Variants in TSC2 observed in about 807,000 individuals in gnomAD.
The protein encoded by TSC2 is TSC complex subunit 2, also known as tuberin.
TSC2 carries 29 observed loss-of-function variants against 202.2 expected under a neutral mutation model. The observed-to-expected ratio is 0.14, with a 90% CI of 0.11 to 0.20. TSC2 has a LOEUF of 0.20. TSC2 is among the 10% of genes least tolerant of loss of function. The pLI is 1.00. For missense variants in TSC2, 2,429 were observed against 2,420.0 expected, an observed-to-expected ratio of 1.00 and a Z score of -0.08; for synonymous variants, 1,349 against 1,044.0, an observed-to-expected ratio of 1.29 and a Z score of -5.63.
At chr16:2,054,487 G>C (rs2085522145) in intron 5 of TSC2, 47 bp downstream of exon 5, 1 of 1,612,670 alleles carries the variant, frequency 6.2e-7, no homozygotes, top group South Asian at 1.1e-5. Context: ...TGACGATCAA[G>C]TGTAACCTGG....
chr16:2,067,222 G>A (rs1028821472), intron 16 of TSC2, among the ~76,000 whole-genome samples: 1 of 151,916 alleles, frequency 6.6e-6, no homozygotes, highest in Admixed American at 6.6e-5. Context: ...GCAGTGCTGT[G>A]ACCATAGCTC....
rs768684515 is a variant in TSC2, at chr16:2,084,448, G to A, written c.4226G>A (p.Arg1409Gln). 42 of 1,609,226 alleles carry A rather than the reference G, an allele frequency of 2.6e-5. No individual in the cohort carries two copies. The Admixed American group carries it at 3.9e-4, about 15-fold the overall frequency. The change falls in exon 34 of 42, where the codon CGG (arginine) becomes CAG (glutamine). Residue 1409 changes from arginine (R) to glutamine (Q), a missense_variant. Physicochemically the swap from Arg to Gln is conservative, Grantham distance 43. Transcript: ENST00000219476. The part of the protein sequence containing the change: ...GDPGDKADVG[R>Q]LSPEVKARSQ... ...CCTGGGGACAAGGCCGACGTGGGCC[G>A]GCTGAGCCCTGAGGTTAAGGCCCGG...
chr16:2,089,403 G>A lies in TSC2; in HGVS notation c.*793G>A. On this transcript the variant is annotated 3_prime_UTR_variant, in exon 42 of 42. Coordinates refer to ENST00000219476, the MANE Select transcript of TSC2 (RefSeq NM_000548.5). The stretch of plus-strand genomic sequence containing the variant: ...CCCTGAAGCCAGCAGCCTTAGCAGT[G>A]GGGGACATCTGCCCAGGGGGTGGGG... 4.5e-6 allele frequency: 2 copies of A among 447,418 alleles called. No homozygotes were observed. The highest frequency in any genetic ancestry group is 2.8e-5 in the South Asian group (1 of 36,014). 27.7% of individuals were successfully genotyped at this position (447,418 alleles called of 1,614,324 possible).
rs1309598467 is a variant in TSC2 at position 2,065,522 on chromosome 16, A to C, written c.1603A>C (p.Met535Leu). Reference sequence around the variant, plus strand: ...AGTCCTGGCCTTCTCTTCAAAGGTGATGGCCCGCTCCCTCTCCCCACCCCC... The same window carrying C: ...AGTCCTGGCCTTCTCTTCAAAGGTGCTGGCCCGCTCCCTCTCCCCACCCCC... ...NSLLDIIEKV[M>L]ARSLSPPPEL... is the part of the protein sequence containing the mutation. Residue 535 changes from methionine (M) to leucine (L), a missense_variant, in exon 16 of 42, where the codon ATG (methionine) becomes CTG (leucine). Transcript: ENST00000219476. 6.2e-7 allele frequency: 1 copy of C among 1,609,794 alleles called. No homozygotes were observed. The highest frequency in any genetic ancestry group is 1.7e-5 in the Admixed American group (1 of 59,858).
chr16:2,062,911 G>A (rs2151168862), intron 13 of TSC2, 61 bp from the exon 14 acceptor site: 1 of 1,529,008 alleles, frequency 6.5e-7, no homozygotes, highest in Non-Finnish European at 8.8e-7. Context: ...CAGGCAGACG[G>A]GCTGGTGTGG....
At chr16:2,054,147 T>C (rs2085479342) in intron 4 of TSC2, 149 bp from the exon 5 acceptor site, 1 of 1,266,836 alleles carries the variant, frequency 7.9e-7, no homozygotes, top group Admixed American at 1.8e-5. Flanking sequence ...ACAATGCTGA[T>C]GCTGCAGACC....
intron 5 of TSC2, 169 bp from the exon 6 acceptor site, chr16:2,055,233 C>T (rs2085624856): frequency 2.9e-6 from 2 of 700,360 alleles, no homozygotes; most frequent in Non-Finnish European, 5.2e-6. Flanking sequence ...CCCTGGGCTC[C>T]CCTGAGCCTC....
intron 35 of TSC2, 46 bp downstream of exon 35, chr16:2,085,072 CG>C: frequency 6.2e-7 from 1 of 1,610,566 alleles, no homozygotes; most frequent in Non-Finnish European, 8.5e-7. Flanking sequence ...CTGTGTGGCT[CG>C]GGTGAATGGT....
chr16:2,071,256 G>A (rs375685020), intron 17 of TSC2: 18 of 570,124 alleles, frequency 3.2e-5, no homozygotes, highest in South Asian at 7.9e-5. Context: ...CATCCCAGGC[G>A]GGCCCAGCTG....
In TSC2 at chr16:2,088,788, T is replaced by C. The variant is rs1012826356; in HGVS notation, c.*178T>C. On this transcript the variant is annotated 3_prime_UTR_variant, in exon 42 of 42. Coordinates refer to ENST00000219476, the MANE Select transcript of TSC2 (RefSeq NM_000548.5). Reference sequence around the variant, plus strand: ...GGTGTCGAGGCTCTAGAAGCGGCCATGCCCACAGAAGTGGTACACAGAAGC... The same window carrying C: ...GGTGTCGAGGCTCTAGAAGCGGCCACGCCCACAGAAGTGGTACACAGAAGC... 6 of 849,710 alleles carry C rather than the reference T, an allele frequency of 7.1e-6. No individual in the cohort carries two copies. Among genetic ancestry groups the C allele is most frequent in the Non-Finnish European group, 1.1e-5 (6 of 561,810 alleles). 52.6% of individuals were successfully genotyped at this position (849,710 alleles called of 1,614,324 possible).
Position 2,079,946 on chromosome 16 carries a change from A to C in TSC2, c.3398-219A>C, listed in dbSNP as rs956423343. On this transcript the variant is annotated intron_variant, in intron 29 of 41. Coordinates refer to ENST00000219476, the MANE Select transcript of TSC2 (RefSeq NM_000548.5). This position sits in a 1 kb window ranked among gnomAD's most constrained non-coding sequence, Gnocchi z 4.6. ...CCTGGAGCCCTTCTCTGCTCCAGCG[A>C]GCCGTGGTCTGACTGCAGGACAGGT... 6.6e-6 allele frequency among the ~76,000 whole-genome samples: 1 copy of C among 152,110 alleles called. No individual in the cohort carries two copies. Among genetic ancestry groups the C allele is most frequent in the African/African-American group, 2.4e-5 (1 of 41,418 alleles).
rs2151459095 is a variant in TSC2 at position 2,080,268 on chromosome 16, G to C, written c.3501G>C (p.Glu1167Asp). Reference sequence around the variant, plus strand: ...GGACTGCACCAGCCGCGAAACCTGAGAAGGCCTCAGCTGGCACCCGGGTTC... The same window carrying C: ...GGACTGCACCAGCCGCGAAACCTGACAAGGCCTCAGCTGGCACCCGGGTTC... ...GPRTAPAAKPEKASAGTRVPV... is the reference protein window; with the variant it reads ...GPRTAPAAKPDKASAGTRVPV... The change falls in exon 30 of 42, where the codon GAG (glutamate) becomes GAC (aspartate). Residue 1167 changes from glutamate to aspartate, a missense_variant. Glu to Asp is a conservative substitution (Grantham distance 45, BLOSUM62 2). Coordinates refer to ENST00000219476, the MANE Select transcript of TSC2 (RefSeq NM_000548.5). 1 of 1,613,020 alleles carries C rather than the reference G, an allele frequency of 6.2e-7. No individual in the cohort carries two copies. Among genetic ancestry groups the C allele is most frequent in the Non-Finnish European group, 8.5e-7 (1 of 1,180,032 alleles).
intron 1 of TSC2, chr16:2,048,348 C>CG: frequency 1.1e-6 from 1 of 886,654 alleles, no homozygotes; most frequent in Non-Finnish European, 1.8e-6. Flanking sequence ...CTGAGTCGGG[C>CG]GGGGCGGGCG....
In TSC2 at chr16:2,064,277, G is replaced by C. The variant is rs768511587; in HGVS notation, c.1449G>C (p.Glu483Asp). Residue 483 changes from glutamate (E) to aspartate (D), a missense_variant, in exon 15 of 42, where the codon GAG becomes GAC. Glu to Asp is a conservative substitution (Grantham distance 45). Coordinates refer to ENST00000219476, the MANE Select transcript of TSC2 (RefSeq NM_000548.5). ...LLINRQFYEE[E>D]LINSVVISQL... ...CCTCCCTTGTGCCTGTGCAGGAGGA[G>C]CTGATTAACTCAGTGGTCATCTCGC... The C allele has an allele frequency of 6.2e-7, 1 of 1,613,850 alleles. No homozygotes were observed. The highest frequency in any genetic ancestry group is 8.5e-7 in the Non-Finnish European group (1 of 1,180,042).
chr16:2,080,255 C>T lies in TSC2; in HGVS notation c.3488C>T (p.Ala1163Val), dbSNP rs1596390123. The T allele has an allele frequency of 6.2e-7, 1 of 1,612,994 alleles. No homozygotes were observed. Among genetic ancestry groups the T allele is most frequent in the Non-Finnish European group, 8.5e-7 (1 of 1,180,028 alleles). Residue 1163 changes from alanine (A) to valine (V), a missense_variant, in exon 30 of 42, where the codon GCC becomes GTC. Ala to Val is a moderately conservative substitution (Grantham distance 64). Coordinates refer to ENST00000219476, the MANE Select transcript of TSC2 (RefSeq NM_000548.5). ...TCTCCAGGACCACGGACTGCACCAG[C>T]CGCGAAACCTGAGAAGGCCTCAGCT... is the stretch of plus-strand genomic sequence containing the variant. ...ATSPGPRTAP[A>V]AKPEKASAGT... is the part of the protein sequence containing the mutation.
intron 21 of TSC2, among the ~76,000 whole-genome samples, 157 bp downstream of exon 21, chr16:2,073,140 T>C (rs2088738131): frequency 6.6e-6 from 1 of 152,054 alleles, no homozygotes; most frequent in Non-Finnish European, 1.5e-5. Flanking sequence ...ATGCCCAGAG[T>C]GGGGACATCC....
Position 2,048,013 on chromosome 16 carries a change from G to C in TSC2, c.-82G>C, listed in dbSNP as rs1391750751. ...TCCGGCGGCGTCCCGGGGCCAGGGG[G>C]GTGCGCCTTTCTCCGCGTCGGGGCG... On this transcript the variant is annotated 5_prime_UTR_variant, in exon 1 of 42. Coordinates refer to ENST00000219476, the MANE Select transcript of TSC2 (RefSeq NM_000548.5). 8 of 1,468,290 alleles carry C rather than the reference G, an allele frequency of 5.4e-6. No individual in the cohort carries two copies. In the South Asian group the frequency reaches 9.4e-5, roughly 17 times the overall value. 91.0% of individuals were successfully genotyped at this position (1,468,290 alleles called of 1,614,324 possible).
Position 2,071,825 on chromosome 16 carries a change from T to G in TSC2, c.1988T>G (p.Leu663Arg), listed in dbSNP as rs1555506026. 6.3e-7 allele frequency: 1 copy of G among 1,599,362 alleles called. No homozygotes were observed. The highest frequency in any genetic ancestry group is 8.5e-7 in the Non-Finnish European group (1 of 1,173,698). The change falls in exon 19 of 42, where the codon CTT (leucine) becomes CGT (arginine). Residue 663 changes from leucine (L) to arginine (R), a missense_variant. Physicochemically the swap from Leu to Arg is moderately radical, Grantham distance 102 (BLOSUM62 -2). Transcript: ENST00000219476. ...TCTGAGAAGAAGACCAGCGGCCCCC[T>G]TTCTCCTCCCACAGGGCCTCCTGGC... is the stretch of plus-strand genomic sequence containing the variant. ...RGSEKKTSGPLSPPTGPPGPA... is the reference protein window; with the variant it reads ...RGSEKKTSGPRSPPTGPPGPA...
In TSC2 at chr16:2,079,810, G is replaced by A; in HGVS notation, c.3397+141G>A. On this transcript the variant is annotated intron_variant, in intron 29 of 41. Transcript: ENST00000219476. The surrounding 1 kb of genome is among the most constrained non-coding windows in gnomAD (Gnocchi z 4.6). ...GGCCCACGTCCTGACTCTGGGGTGA[G>A]CCTTCCACAGCTCACCCCAGAGCCG... 1.2e-6 allele frequency: 1 copy of A among 806,370 alleles called. No homozygotes were observed. Among genetic ancestry groups the A allele is most frequent in the Non-Finnish European group, 1.9e-6 (1 of 523,528 alleles). 50.0% of individuals were successfully genotyped at this position (806,370 alleles called of 1,614,324 possible).
Sources: gnomAD v4.1 joint callset for allele counts (sites outside exome capture counted in the v4.1 genomes callset) on GRCh38, gnomAD v4.1.1 for gene constraint, Gnocchi (gnomAD v3.1) non-coding constraint, MANE v1.5 for transcripts, NCBI Gene and HGNC (gene_info 2026-07-23, HGNC 2026-07-21) for gene names.